Variants in PCDHA5 observed in about 807,000 individuals in gnomAD.
The protein encoded by PCDHA5 is protocadherin alpha-5.
PCDHA5 carries 43 observed loss-of-function variants against 61.6 expected under a neutral mutation model. The ratio of observed to expected loss-of-function variants is 0.70; its 90% CI spans 0.55 to 0.90. PCDHA5 has a LOEUF of 0.90. Ranked by LOEUF, PCDHA5 falls within the 40% of genes least tolerant of loss-of-function variation. PCDHA5 has a pLI of 0.00. For synonymous variants in PCDHA5, 627 were observed against 543.9 expected, an observed-to-expected ratio of 1.15 and a Z score of -2.13; for missense variants, 1,298 against 1,222.7, an observed-to-expected ratio of 1.06 and a Z score of -0.92.
intron 1 of PCDHA5, among the ~76,000 whole-genome samples, chr5:140,959,991 G>A (rs2095520706): frequency 6.6e-6 from 1 of 152,168 alleles, no homozygotes; most frequent in South Asian, 2.1e-4. Flanking sequence ...GTTGGGATAT[G>A]AAATACAAAT....
intron 1 of PCDHA5, chr5:140,843,223 T>G (rs1296347203): frequency 6.3e-7 from 1 of 1,595,904 alleles, no homozygotes; most frequent in Non-Finnish European, 8.6e-7. Flanking sequence ...TCAGCACCAC[T>G]CGTGTCCTGG....
chr5:140,841,337 C>G (rs1424910645), intron 1 of PCDHA5: 1 of 1,610,914 alleles, frequency 6.2e-7, no homozygotes, highest in Non-Finnish European at 8.5e-7. Context: ...TTATCACTGG[C>G]GAGGAGAGCT....
chr5:140,848,093 T>G, intron 1 of PCDHA5: 1 of 167,516 alleles, frequency 6.0e-6, no homozygotes, highest in South Asian at 1.6e-4. Context: ...AAGTGGAGAG[T>G]TTTCTCAGGG....
intron 3 of PCDHA5, among the ~76,000 whole-genome samples, chr5:140,993,386 A>C (rs1435793353): frequency 6.6e-6 from 1 of 151,354 alleles, no homozygotes; most frequent in Non-Finnish European, 1.5e-5. Flanking sequence ...GGGTCCCTGA[A>C]ACTCCATCAT....
At chr5:140,865,558 T>C (rs991717581) in intron 1 of PCDHA5, 1 of 152,224 alleles carries the variant, frequency 6.6e-6, no homozygotes, top group Non-Finnish European at 1.5e-5. Flanking sequence ...AGAGCCAATA[T>C]TGATCAGTAA....
At chr5:140,854,832 T>C (rs1167287485) in intron 1 of PCDHA5, among the ~76,000 whole-genome samples, 8 of 149,892 alleles carry the variant, frequency 5.3e-5, no homozygotes, top group African/African-American at 2.0e-4. Context: ...ATGAAAAACT[T>C]CACTGACATT....
At chr5:140,962,438 G>A (rs1375451859) in intron 1 of PCDHA5, among the ~76,000 whole-genome samples, 3 of 152,108 alleles carry the variant, frequency 2.0e-5, no homozygotes, top group Non-Finnish European at 2.9e-5. Context: ...CTTATCCAAA[G>A]ATGGCTTGAA....
At chr5:140,927,669 T>G in intron 1 of PCDHA5, 1 of 1,614,106 alleles carries the variant, frequency 6.2e-7, no homozygotes. Context: ...AAGCCTTGGA[T>G]CCAGATGAAG....
chr5:140,835,788 C>A (rs2150244691), intron 1 of PCDHA5: 4 of 1,613,044 alleles, frequency 2.5e-6, no homozygotes, highest in South Asian at 2.2e-5. Flanking sequence ...GGAGAACAAC[C>A]CGCCGGGCTG....
chr5:140,856,542 CA>C (rs2044078032), intron 1 of PCDHA5: 1 of 1,598,136 alleles, frequency 6.3e-7, no homozygotes, highest in Admixed American at 1.7e-5. Context: ...GGAGAGAACG[CA>C]TTGCTTACTT....
At chr5:140,830,282 G>A (rs1554132701) in intron 1 of PCDHA5, 1 of 1,613,704 alleles carries the variant, frequency 6.2e-7, no homozygotes, top group African/African-American at 1.3e-5. Flanking sequence ...CACCGAGGGC[G>A]CGTGCACGGC....
intron 3 of PCDHA5, among the ~76,000 whole-genome samples, chr5:141,008,415 C>T (rs782593921): frequency 2.0e-5 from 3 of 152,138 alleles, no homozygotes; most frequent in Non-Finnish European, 4.4e-5. Flanking sequence ...ATGTCATGGC[C>T]ACTGGGATCA....
chr5:140,890,724 CT>C (rs2062771629), intron 1 of PCDHA5, among the ~76,000 whole-genome samples: 2 of 152,108 alleles, frequency 1.3e-5, no homozygotes, highest in African/African-American at 2.4e-5. Context: ...TTTTTAATCC[CT>C]TTTGACTTAT....
chr5:140,978,196 T>C (rs1043778941), intron 1 of PCDHA5, among the ~76,000 whole-genome samples: 1 of 152,190 alleles, frequency 6.6e-6, no homozygotes. Flanking sequence ...ATCTTTTCAA[T>C]ACACAACTAA....
chr5:140,842,822 G>T (rs2150345251), intron 1 of PCDHA5: 1 of 1,593,810 alleles, frequency 6.3e-7, no homozygotes. Context: ...GCGGGTGGGC[G>T]AGCGCTCGCT....
At chr5:140,875,463 A>G in intron 1 of PCDHA5, 1 of 1,599,288 alleles carries the variant, frequency 6.3e-7, no homozygotes, top group Non-Finnish European at 8.5e-7. Context: ...AGAGGCCCTC[A>G]TTTTCTGCAA....
At chr5:140,859,250 T>C (rs952505479) in intron 1 of PCDHA5, 7 of 133,126 alleles carry the variant, frequency 5.3e-5, no homozygotes, top group African/African-American at 1.9e-4. Flanking sequence ...TGTTTAATAA[T>C]GAAGAGAATT....
chr5:140,909,787 A>C (rs1299398218), intron 1 of PCDHA5, among the ~76,000 whole-genome samples: 2 of 152,156 alleles, frequency 1.3e-5, no homozygotes, highest in African/African-American at 4.8e-5. Flanking sequence ...ACCCACTCTA[A>C]GTCAGACTTC....
At chr5:140,851,813 A>G in intron 1 of PCDHA5, 1 of 954,990 alleles carries the variant, frequency 1.0e-6, no homozygotes, top group Non-Finnish European at 1.3e-6. Flanking sequence ...AATCCATAAG[A>G]CAGAAATCTG....
Sources: gnomAD v4.1 joint callset for allele counts (sites outside exome capture counted in the v4.1 genomes callset) on GRCh38, gnomAD v4.1.1 for gene constraint, MANE v1.5 for transcripts, NCBI Gene and HGNC (gene_info 2026-07-23, HGNC 2026-07-21) for gene names.